Variants in DNAH17 observed in about 807,000 individuals in gnomAD.
DNAH17 encodes the protein axonemal beta dynein heavy chain 17.
A neutral mutation model predicts 485.6 loss-of-function variants in DNAH17; 376 were observed. The observed-to-expected ratio is 0.77, with a 90% CI of 0.71 to 0.84. The LOEUF is 0.84. DNAH17 is among the 40% of genes least tolerant of loss of function. The pLI is 0.00. For missense variants in DNAH17, 6,370 were observed against 5,839.3 expected (o/e 1.09, Z -2.96); for synonymous variants, 3,031 against 2,405.9 (o/e 1.26, Z -7.60).
rs987700614 is a variant in DNAH17, at chr17:78,428,408, G to A, written c.12588+117C>T. On this transcript the variant is annotated intron_variant, in intron 77 of 80. Coordinates refer to ENST00000389840, the MANE Select transcript of DNAH17 (RefSeq NM_173628.4). ...TTTCTGATACCCAAGCCCAAGGCTG[G>A]GGCAGAGTGTACCTCACCAGCAAGT... is the stretch of plus-strand genomic sequence containing the variant. 3.9e-6 allele frequency: 5 copies of A among 1,284,170 alleles called. No homozygotes were observed. The East Asian group carries it at 1.0e-4, about 26-fold the overall frequency. The allele number at this position is 1,284,170 out of a possible 1,614,324, so 79.5% of individuals were successfully genotyped here. A position where few individuals can be genotyped will look rare whatever the true frequency, so the allele number is the denominator to read the frequency against.
At chr17:78,478,790 T>A (rs2089220045) in intron 51 of DNAH17, 1 of 493,540 alleles carries the variant, frequency 2.0e-6, no homozygotes, top group South Asian at 3.0e-5. Flanking sequence ...ACTATCATCA[T>A]AACCATCACT....
chr17:78,556,955 C>A (rs543101637), intron 14 of DNAH17, among the ~76,000 whole-genome samples: 101 of 152,328 alleles, frequency 6.6e-4, no homozygotes, highest in Non-Finnish European at 7.6e-4. Context: ...CGGTTCCCGA[C>A]TCGGCTTCCA....
chr17:78,525,852 C>T (rs554039817), intron 24 of DNAH17, among the ~76,000 whole-genome samples: 72 of 152,352 alleles, frequency 4.7e-4, no homozygotes, highest in African/African-American at 1.7e-3. Context: ...CATGAGGAAA[C>T]GGCCATGAGG....
intron 35 of DNAH17, 24 bp from the exon 36 acceptor site, chr17:78,500,485 T>C (rs1323287704): frequency 6.5e-7 from 1 of 1,542,422 alleles, no homozygotes; most frequent in Non-Finnish European, 8.7e-7. Flanking sequence ...CAGGTAAGCG[T>C]GTGTGCCAGC....
chr17:78,507,997 C>T (rs1276599486), intron 27 of DNAH17, among the ~76,000 whole-genome samples, 192 bp from the exon 28 acceptor site: 1 of 152,182 alleles, frequency 6.6e-6, no homozygotes, highest in African/African-American at 2.4e-5. Flanking sequence ...CATGCGATCT[C>T]TGTCCATATA....
intron 34 of DNAH17, 85 bp downstream of exon 34, chr17:78,501,657 C>T: frequency 6.6e-7 from 1 of 1,523,062 alleles, no homozygotes; most frequent in Non-Finnish European, 8.8e-7. Context: ...GAGGAAGTGG[C>T]AGGGTCTGAA....
At chr17:78,525,754 A>G (rs970395314) in intron 24 of DNAH17, among the ~76,000 whole-genome samples, 11 of 152,130 alleles carry the variant, frequency 7.2e-5, no homozygotes, top group African/African-American at 2.7e-4. Flanking sequence ...GGCATGGGGC[A>G]CCCCTCACCC....
At chr17:78,454,248 T>C (rs1038259837) in intron 64 of DNAH17, among the ~76,000 whole-genome samples, 1 of 152,088 alleles carries the variant, frequency 6.6e-6, no homozygotes, top group Non-Finnish European at 1.5e-5. Flanking sequence ...TCCGTCTCAC[T>C]CTCCTTTCCC....
intron 52 of DNAH17, among the ~76,000 whole-genome samples, 186 bp downstream of exon 52, chr17:78,476,386 G>C (rs1220287959): frequency 6.6e-6 from 1 of 151,676 alleles, no homozygotes; most frequent in Admixed American, 6.6e-5. Context: ...CCACGTGCCG[G>C]AGTTATCGCG....
Position 78,505,014 on chromosome 17 carries a change from T to TC in DNAH17, c.4956+278dup, listed in dbSNP as rs541141124. On this transcript the variant is annotated intron_variant, in intron 31 of 80. Coordinates refer to ENST00000389840, the MANE Select transcript of DNAH17 (RefSeq NM_173628.4). ...TCTGCCTCCCGGGTTCAAGCGATTC[T>TC]CCTGCCTCAGCCTCCCGAACAGGGC... Among the ~76,000 whole-genome samples the TC allele has an allele frequency of 7.5e-4, 109 of 145,832 alleles. 2 individuals are homozygous for TC. The highest frequency in any genetic ancestry group is 4.7e-3 in the Admixed American group (66 of 14,068).
At chr17:78,536,788 T>C (rs62075888) in intron 19 of DNAH17, among the ~76,000 whole-genome samples, 29,326 of 151,818 alleles carry the variant, frequency 0.19, 3,843 homozygotes, top group Non-Finnish European at 0.27. Flanking sequence ...CCCAGGCAGG[T>C]TGACTGAGAA....
chr17:78,571,102 G>A, intron 5 of DNAH17, 69 bp from the exon 6 acceptor site: 1 of 1,420,612 alleles, frequency 7.0e-7, no homozygotes, highest in Non-Finnish European at 9.7e-7. Context: ...TGAGGGTGCG[G>A]CTCCATGTGC....
intron 31 of DNAH17, among the ~76,000 whole-genome samples, 170 bp downstream of exon 31, chr17:78,505,123 A>G (rs749027513): frequency 1.3e-5 from 2 of 151,972 alleles, no homozygotes; most frequent in Non-Finnish European, 2.9e-5. Context: ...AATTCTATAA[A>G]GAGGCCCATC....
In DNAH17 at chr17:78,566,987, C is replaced by T; in HGVS notation, c.1452+12G>A. 6.2e-7 allele frequency: 1 copy of T among 1,604,526 alleles called. No homozygotes were observed. ...CCGAGTCCAGTTCATCCAACCCTGCCCGAGGACCTACCGAGTCTCCAGGGT... is the reference window on the plus strand; with the variant it reads ...CCGAGTCCAGTTCATCCAACCCTGCTCGAGGACCTACCGAGTCTCCAGGGT... On this transcript the variant is annotated intron_variant, in intron 10 of 80. Transcript: ENST00000389840.
At chr17:78,447,601 G>A (rs540266572) in intron 69 of DNAH17, among the ~76,000 whole-genome samples, 20 of 152,310 alleles carry the variant, frequency 1.3e-4, no homozygotes, top group East Asian at 3.9e-4. Flanking sequence ...CAAACAAAAC[G>A]TTCTTTGGGA....
intron 69 of DNAH17, among the ~76,000 whole-genome samples, chr17:78,448,283 G>T (rs2087398851): frequency 6.6e-6 from 1 of 151,836 alleles, no homozygotes; most frequent in African/African-American, 2.4e-5. Context: ...AGGATCACTT[G>T]AGCCCAGGAG....
chr17:78,499,115 G>A lies in DNAH17; in HGVS notation c.5641-3C>T, dbSNP rs745942701. The A allele has an allele frequency of 3.0e-5, 48 of 1,580,512 alleles. No individual in the cohort carries two copies. The highest frequency in any genetic ancestry group is 5.4e-5 in the African/African-American group (4 of 73,480). On this transcript the variant is annotated splice_region_variant and splice_polypyrimidine_tract_variant and intron_variant, in intron 36 of 80. Transcript: ENST00000389840. Reference sequence around the variant, plus strand: ...CCCTTGTAGATATTTCCACAGGACTGGAAAGGGCGAGATGGAGAAAGGAAG... The same window carrying A: ...CCCTTGTAGATATTTCCACAGGACTAGAAAGGGCGAGATGGAGAAAGGAAG...
intron 6 of DNAH17, 146 bp from the exon 7 acceptor site, chr17:78,570,518 A>G (rs2092336565): frequency 9.1e-7 from 1 of 1,093,142 alleles, no homozygotes; most frequent in Non-Finnish European, 1.3e-6. Flanking sequence ...CCCTAGGCCC[A>G]CACATCTGAT....
Position 78,466,760 on chromosome 17 carries a change from G to C in DNAH17, c.8835C>G (p.Phe2945Leu), listed in dbSNP as rs1443655900. 1 of 1,610,808 alleles carries C rather than the reference G, an allele frequency of 6.2e-7. No homozygotes were observed. Among genetic ancestry groups the C allele is most frequent in the African/African-American group, 1.3e-5 (1 of 74,684 alleles). The change falls in exon 56 of 81, where the codon TTC becomes TTG. Residue 2945 changes from phenylalanine (F) to leucine (L), a missense_variant. Phe to Leu is a conservative substitution (Grantham distance 22, BLOSUM62 0). Coordinates refer to ENST00000389840, the MANE Select transcript of DNAH17 (RefSeq NM_173628.4). Reference sequence around the variant, plus strand: ...TGGCCGTGCAGTTGACCACAGCTGGGAACTTTCTGGCTCGTACCCGCAGCA... The same window carrying C: ...TGGCCGTGCAGTTGACCACAGCTGGCAACTTTCTGGCTCGTACCCGCAGCA... Reference protein sequence around the residue: ...GSVLRVRARKFPAVVNCTAID... With the variant: ...GSVLRVRARKLPAVVNCTAID...
Sources: gnomAD v4.1 joint callset for allele counts (sites outside exome capture counted in the v4.1 genomes callset) on GRCh38, gnomAD v4.1.1 for gene constraint, MANE v1.5 for transcripts, NCBI Gene and HGNC (gene_info 2026-07-23, HGNC 2026-07-21) for gene names.